Variants in ADCY10 observed in about 807,000 individuals in gnomAD.
ADCY10 encodes adenylate cyclase 10.
ADCY10 carries 156 observed loss-of-function variants against 183.3 expected under a neutral mutation model. The observed-to-expected ratio is 0.85, with a 90% CI of 0.75 to 0.97. The LOEUF (loss-of-function observed/expected upper bound fraction) is 0.97. ADCY10 is among the 50% of genes least tolerant of loss of function. The pLI is 0.00. For missense variants in ADCY10, 1,745 were observed against 1,934.3 expected (o/e 0.90, Z 1.84); for synonymous variants, 645 against 670.0 (o/e 0.96, Z 0.58).
chr1:167,890,629 G>A (rs1668522957), intron 8 of ADCY10, among the ~76,000 whole-genome samples: 1 of 152,148 alleles, frequency 6.6e-6, no homozygotes, highest in Non-Finnish European at 1.5e-5. Flanking sequence ...CCAGGTTTGT[G>A]TCTTTCCCTT....
At chr1:167,868,903 AC>A (rs1393190499) in intron 14 of ADCY10, among the ~76,000 whole-genome samples, 1 of 152,146 alleles carries the variant, frequency 6.6e-6, no homozygotes, top group Non-Finnish European at 1.5e-5. Flanking sequence ...CACTAATAAA[AC>A]CAGTCAAGCC....
intron 18 of ADCY10, among the ~76,000 whole-genome samples, chr1:167,849,315 A>C (rs996266912): frequency 5.3e-5 from 8 of 152,192 alleles, no homozygotes; most frequent in African/African-American, 1.9e-4. Context: ...GTGCCTAGTA[A>C]TTTGGTTTCC....
intron 8 of ADCY10, among the ~76,000 whole-genome samples, chr1:167,891,498 T>C (rs865815315): frequency 3.3e-5 from 5 of 151,342 alleles, no homozygotes; most frequent in African/African-American, 1.2e-4. Context: ...CTACTAAAAA[T>C]ACAAAAACGT....
intron 2 of ADCY10, chr1:167,904,660 C>A (rs1185346966): frequency 2.2e-5 from 13 of 587,056 alleles, no homozygotes; most frequent in South Asian, 2.2e-4. Flanking sequence ...CTAGGGAGAT[C>A]ATTTCCTGAG....
chr1:167,868,976 C>A (rs1300266385), intron 14 of ADCY10, among the ~76,000 whole-genome samples: 2 of 152,158 alleles, frequency 1.3e-5, no homozygotes, highest in African/African-American at 4.8e-5. Flanking sequence ...AATAGATTGG[C>A]TCTCGACTAC....
rs753288788 is a variant in ADCY10 at position 167,834,633 on chromosome 1, A to T, written c.3310-556T>A. The T allele has an allele frequency of 4.3e-5, 8 of 185,862 alleles. No individual in the cohort carries two copies. In the Middle Eastern group the frequency reaches 2.4e-3, roughly 57 times the overall value. 11.5% of individuals were successfully genotyped at this position (185,862 alleles called of 1,614,324 possible). ...GCAAATCTTAGCACGTGTGCACACC[A>T]AGGTAAGATCAGACTTGAAGAATAT... On this transcript the variant is annotated intron_variant, in intron 23 of 32. Coordinates refer to ENST00000367851, the MANE Select transcript of ADCY10 (RefSeq NM_018417.6).
chr1:167,896,774 G>C, intron 6 of ADCY10, 83 bp from the exon 7 acceptor site: 1 of 977,804 alleles, frequency 1.0e-6, no homozygotes, highest in Non-Finnish European at 1.6e-6. Flanking sequence ...CAGAAAGAGA[G>C]TATGCTTTTG....
chr1:167,842,162 T>C (rs911214301), intron 21 of ADCY10, among the ~76,000 whole-genome samples: 2 of 152,168 alleles, frequency 1.3e-5, no homozygotes, highest in Non-Finnish European at 2.9e-5. Context: ...TCTCCTCCAA[T>C]TATGTCTTTT....
intron 3 of ADCY10, among the ~76,000 whole-genome samples, chr1:167,902,513 A>G (rs1451723504): frequency 6.6e-6 from 1 of 152,200 alleles, no homozygotes; most frequent in Non-Finnish European, 1.5e-5. Flanking sequence ...GTTATTACCA[A>G]CTTTGTATTT....
chr1:167,823,294 G>T (rs571433426), intron 28 of ADCY10, among the ~76,000 whole-genome samples, 171 bp from the exon 29 acceptor site: 1 of 151,874 alleles, frequency 6.6e-6, no homozygotes, highest in Non-Finnish European at 1.5e-5. Context: ...GCATGGTGGC[G>T]GGCGCCTGTA....
intron 12 of ADCY10, 57 bp from the exon 13 acceptor site, chr1:167,875,243 C>T: frequency 3.2e-6 from 5 of 1,539,236 alleles, no homozygotes; most frequent in Non-Finnish European, 4.5e-6. Flanking sequence ...ATATTGAGAG[C>T]AAGAGTGATT....
At chr1:167,859,747 G>T in intron 16 of ADCY10, 60 bp downstream of exon 16, 1 of 1,291,070 alleles carries the variant, frequency 7.7e-7, no homozygotes, top group Non-Finnish European at 1.1e-6. Context: ...AAACCACCTG[G>T]CTTTGTGGTG....
At chr1:167,858,100 A>G (rs1666029823) in intron 16 of ADCY10, among the ~76,000 whole-genome samples, 1 of 152,214 alleles carries the variant, frequency 6.6e-6, no homozygotes, top group Non-Finnish European at 1.5e-5. Context: ...TGTATTATAA[A>G]TATAATACAA....
At chr1:167,871,444 C>T (rs577904107) in intron 13 of ADCY10, among the ~76,000 whole-genome samples, 5 of 152,276 alleles carry the variant, frequency 3.3e-5, no homozygotes, top group African/African-American at 9.6e-5. Context: ...ATAAAAATCA[C>T]CTTGGGTTAC....
At chr1:167,902,410 T>C (rs1669496552) in intron 3 of ADCY10, among the ~76,000 whole-genome samples, 1 of 152,226 alleles carries the variant, frequency 6.6e-6, no homozygotes, top group African/African-American at 2.4e-5. Flanking sequence ...CTGGGGCTTG[T>C]GTAAGCATGG....
intron 11 of ADCY10, among the ~76,000 whole-genome samples, chr1:167,878,838 G>A (rs1667677989): frequency 6.6e-6 from 1 of 152,202 alleles, no homozygotes; most frequent in South Asian, 2.1e-4. Context: ...CATTAGCAAA[G>A]TTTCTGCCTC....
chr1:167,883,165 G>A (rs1667987259), intron 9 of ADCY10, among the ~76,000 whole-genome samples: 1 of 152,246 alleles, frequency 6.6e-6, no homozygotes, highest in African/African-American at 2.4e-5. Flanking sequence ...AGCCTCCTGA[G>A]TAGCTGAGAT....
intron 14 of ADCY10, among the ~76,000 whole-genome samples, chr1:167,864,746 C>T (rs979089186): frequency 1.3e-4 from 19 of 151,984 alleles, no homozygotes; most frequent in African/African-American, 3.1e-4. Flanking sequence ...TCTCCGTAAC[C>T]CTGTAACACT....
intron 12 of ADCY10, among the ~76,000 whole-genome samples, chr1:167,876,249 C>G (rs1419688777): frequency 6.9e-6 from 1 of 145,632 alleles, no homozygotes; most frequent in Non-Finnish European, 1.5e-5. Context: ...AAAAGCAAAG[C>G]TCCATCTCAA....
Sources: allele counts gnomAD v4.1 joint callset (sites outside exome capture counted in the v4.1 genomes callset), GRCh38; gene constraint gnomAD v4.1.1; transcripts MANE v1.5; gene names NCBI Gene and HGNC (gene_info 2026-07-23, HGNC 2026-07-21).